Variants in THADA observed in about 807,000 individuals in gnomAD.
THADA encodes tRNA (32-2'-O)-methyltransferase regulator THADA.
In THADA, 213 loss-of-function variants were observed where a neutral mutation model predicts 219.8. The ratio of observed to expected loss-of-function variants is 0.97; its 90% CI spans 0.87 to 1.09. The LOEUF (loss-of-function observed/expected upper bound fraction) is 1.09. Ranked by LOEUF, THADA falls within the 50% of genes least tolerant of loss-of-function variation. THADA has a pLI of 0.00. For synonymous variants in THADA, 1,018 were observed against 828.9 expected (o/e 1.23, Z -3.92); for missense variants, 2,956 against 2,311.3 (o/e 1.28, Z -5.72).
intron 30 of THADA, among the ~76,000 whole-genome samples, chr2:43,332,377 A>G (rs1463171734): frequency 1.3e-5 from 2 of 152,304 alleles, no homozygotes; most frequent in Non-Finnish European, 2.9e-5. Flanking sequence ...TCTGCAACAC[A>G]CTTTGACTAA....
At chr2:43,429,238 G>T (rs1281217316) in intron 27 of THADA, among the ~76,000 whole-genome samples, 2 of 150,290 alleles carry the variant, frequency 1.3e-5, no homozygotes, top group African/African-American at 2.4e-5. Context: ...CTCCCAAGTA[G>T]CTGGGATCAC....
intron 36 of THADA, among the ~76,000 whole-genome samples, chr2:43,234,243 T>A (rs1558442036): frequency 6.6e-6 from 1 of 152,208 alleles, no homozygotes; most frequent in East Asian, 1.9e-4. Flanking sequence ...AGACCCAGCA[T>A]CAACAATCCA....
intron 36 of THADA, among the ~76,000 whole-genome samples, chr2:43,248,521 C>A (rs1464721373): frequency 1.3e-5 from 2 of 152,110 alleles, no homozygotes; most frequent in African/African-American, 4.8e-5. Flanking sequence ...CATGAGCCAC[C>A]ACGCTCGCTC....
chr2:43,494,792 T>A (rs944549897), intron 25 of THADA, among the ~76,000 whole-genome samples: 1 of 152,256 alleles, frequency 6.6e-6, no homozygotes, highest in African/African-American at 2.4e-5. Flanking sequence ...AATATTTACA[T>A]ACTACATTTC....
At chr2:43,288,357 G>A (rs1674299384) in intron 34 of THADA, among the ~76,000 whole-genome samples, 2 of 152,260 alleles carry the variant, frequency 1.3e-5, no homozygotes, top group South Asian at 4.1e-4. Flanking sequence ...GGCGGAGGCT[G>A]CAGTGAGCCA....
intron 26 of THADA, among the ~76,000 whole-genome samples, chr2:43,459,818 C>T (rs1206838898): frequency 6.6e-6 from 1 of 152,152 alleles, no homozygotes; most frequent in Non-Finnish European, 1.5e-5. Flanking sequence ...CTACTGTAGA[C>T]TTGTTTTTTA....
chr2:43,267,509 G>T (rs557384348), intron 36 of THADA, among the ~76,000 whole-genome samples: 1 of 152,170 alleles, frequency 6.6e-6, no homozygotes, highest in Non-Finnish European at 1.5e-5. Context: ...TTAGCTAAGC[G>T]TGTGTCCATT....
Position 43,570,438 on chromosome 2 carries a change from C to G in THADA, c.2137G>C (p.Glu713Gln). The change falls in exon 14 of 38, where the codon GAG becomes CAG. Residue 713 changes from glutamate to glutamine, a missense_variant. Transcript: ENST00000405975. ...GGGTGCTGTTTGGTTAACTCATTCTCTGGTTCACGTTTGGATTTACTCTGC... is the reference window on the plus strand; with the variant it reads ...GGGTGCTGTTTGGTTAACTCATTCTGTGGTTCACGTTTGGATTTACTCTGC... ...LEQSKSKREPENELTKQHPSV... is the reference protein window; with the variant it reads ...LEQSKSKREPQNELTKQHPSV... 6.2e-7 allele frequency: 1 copy of G among 1,613,676 alleles called. No individual in the cohort carries two copies. The highest frequency in any genetic ancestry group is 8.5e-7 in the Non-Finnish European group (1 of 1,179,740).
At chr2:43,519,692 T>C (rs1157879670) in intron 22 of THADA, among the ~76,000 whole-genome samples, 2 of 152,228 alleles carry the variant, frequency 1.3e-5, no homozygotes, top group Non-Finnish European at 2.9e-5. Flanking sequence ...AAACACAGCA[T>C]CTGGCACACA....
intron 16 of THADA, 82 bp from the exon 17 acceptor site, chr2:43,556,637 C>G (rs916255249): frequency 7.4e-7 from 1 of 1,347,016 alleles, no homozygotes; most frequent in South Asian, 1.4e-5. Flanking sequence ...TAAAACACAG[C>G]CTGGAGCTGA....
At chr2:43,499,608 C>A (rs1299915101) in intron 24 of THADA, among the ~76,000 whole-genome samples, 2 of 152,192 alleles carry the variant, frequency 1.3e-5, no homozygotes, top group South Asian at 2.1e-4. Flanking sequence ...AACTCCTGAT[C>A]TCAGGTGATC....
At chr2:43,397,908 C>T in intron 29 of THADA, 63 bp downstream of exon 29, 4 of 1,561,990 alleles carry the variant, frequency 2.6e-6, no homozygotes, top group Non-Finnish European at 3.5e-6. Flanking sequence ...GCTAACAGTA[C>T]ATAAGAAACC....
At chr2:43,592,858 A>T (rs1701720625) in intron 1 of THADA, 1 of 152,830 alleles carries the variant, frequency 6.5e-6, no homozygotes. Flanking sequence ...GTGACTCATT[A>T]GACTAAGAGG....
Position 43,279,864 on chromosome 2 carries a change from C to T in THADA, c.5197G>A (p.Val1733Ile). The stretch of plus-strand genomic sequence containing the variant: ...TCCTCACTCTGCAGAAGGGTAAGGA[C>T]ACACTTCCAGAGAGCAAGTGTATCC... Reference protein sequence around the residue: ...LQDTLALWKCVLTLLQSEEQA... With the variant: ...LQDTLALWKCILTLLQSEEQA... Residue 1733 changes from valine to isoleucine, a missense_variant, in exon 36 of 38, where the codon GTC (valine) becomes ATC (isoleucine). By Grantham distance (29) the Val-to-Ile change is conservative (BLOSUM62 3). Coordinates refer to ENST00000405975, the MANE Select transcript of THADA (RefSeq NM_022065.5). 3 of 1,567,586 alleles carry T rather than the reference C, an allele frequency of 1.9e-6. No individual in the cohort carries two copies. Among genetic ancestry groups the T allele is most frequent in the Non-Finnish European group, 2.6e-6 (3 of 1,158,454 alleles).
At chr2:43,397,827 T>C (rs554574759) in intron 29 of THADA, 144 bp downstream of exon 29, 8 of 717,976 alleles carry the variant, frequency 1.1e-5, no homozygotes, top group South Asian at 8.4e-5. Flanking sequence ...AGGAGATACC[T>C]GATCTTTCGG....
At chr2:43,432,615 A>C (rs970745371) in intron 26 of THADA, among the ~76,000 whole-genome samples, 3 of 152,160 alleles carry the variant, frequency 2.0e-5, no homozygotes, top group African/African-American at 7.2e-5. Flanking sequence ...TGAAATAATT[A>C]TACCATTTTA....
In THADA at chr2:43,422,096, T is replaced by C. The variant is rs75369064; in HGVS notation, c.4058+6004A>G. Reference sequence around the variant, plus strand: ...GTGCGCTGCAGATATATGCTCAACATGTGATCAGTTTTCCTTGAAAACTTA... The same window carrying C: ...GTGCGCTGCAGATATATGCTCAACACGTGATCAGTTTTCCTTGAAAACTTA... On this transcript the variant is annotated intron_variant, in intron 28 of 37. Coordinates refer to ENST00000405975, the MANE Select transcript of THADA (RefSeq NM_022065.5). 4.2e-3 allele frequency among the ~76,000 whole-genome samples: 641 copies of C among 152,344 alleles called. 2 individuals carry two copies. Among genetic ancestry groups the C allele is most frequent in the Non-Finnish European group, 7.1e-3 (481 of 68,030 alleles).
chr2:43,411,493 C>A (rs972182338), intron 28 of THADA, among the ~76,000 whole-genome samples: 4 of 152,260 alleles, frequency 2.6e-5, no homozygotes, highest in Admixed American at 2.0e-4. Flanking sequence ...TCCCCTCCCC[C>A]CAACTTGATT....
chr2:43,381,154 G>C (rs781323438), intron 29 of THADA, among the ~76,000 whole-genome samples: 4 of 149,086 alleles, frequency 2.7e-5, no homozygotes, highest in Admixed American at 6.7e-5. Context: ...AAGGATGAAG[G>C]CATGTCAAAG....
Sources: allele counts gnomAD v4.1 joint callset (sites outside exome capture counted in the v4.1 genomes callset), GRCh38; gene constraint gnomAD v4.1.1; transcripts MANE v1.5; gene names NCBI Gene and HGNC (gene_info 2026-07-23, HGNC 2026-07-21).